MRPS21: variants seen among roughly 807,000 people sequenced by gnomAD.
The protein encoded by MRPS21 is mitochondrial ribosomal protein S21.
MRPS21 carries 8 observed loss-of-function variants against 9.9 expected under a neutral mutation model. The observed-to-expected ratio is 0.81, with a 90% CI of 0.47 to 1.45. The LOEUF is 1.45. MRPS21 is among the 40% of genes most tolerant of loss of function. The pLI is 0.00. For missense variants in MRPS21, 101 were observed against 118.9 expected, an observed-to-expected ratio of 0.85 and a Z score of 0.70; for synonymous variants, 40 against 40.3, an observed-to-expected ratio of 0.99 and a Z score of 0.03.
At chr1:150,294,783 C>T (rs1653851585) in intron 2 of MRPS21, among the ~76,000 whole-genome samples, 1 of 150,982 alleles carries the variant, frequency 6.6e-6, no homozygotes, top group Middle Eastern at 3.2e-3. Flanking sequence ...CCTGTAATCT[C>T]AGCTACTCGA....
At chr1:150,296,930 C>A (rs1553856651) in intron 2 of MRPS21, among the ~76,000 whole-genome samples, 1 of 151,960 alleles carries the variant, frequency 6.6e-6, no homozygotes, top group Non-Finnish European at 1.5e-5. Flanking sequence ...GGAAAGGGAA[C>A]CTAGTTCTTA....
In MRPS21 at chr1:150,308,044, A is replaced by G. The variant is rs1553858803; in HGVS notation, c.84-4A>G. The G allele has an allele frequency of 1.3e-6, 2 of 1,574,478 alleles. No individual in the cohort carries two copies. The highest frequency in any genetic ancestry group is 3.4e-5 in the Admixed American group (2 of 58,914). On this transcript the variant is annotated splice_polypyrimidine_tract_variant and splice_region_variant and intron_variant, in intron 2 of 2. Transcript: ENST00000614145. ...GTCTAACCTCATTGCTTGCCTTTATACAGAATCCTCACTATGGATGGGCTC... is the reference window on the plus strand; with the variant it reads ...GTCTAACCTCATTGCTTGCCTTTATGCAGAATCCTCACTATGGATGGGCTC...
chr1:150,301,653 G>C (rs1306021473), intron 2 of MRPS21, among the ~76,000 whole-genome samples: 3 of 149,088 alleles, frequency 2.0e-5, no homozygotes, highest in Non-Finnish European at 3.0e-5. Flanking sequence ...GTCTCTCTCT[G>C]TTGCCCAGAC....
chr1:150,302,390 C>T (rs1191006615), intron 2 of MRPS21, among the ~76,000 whole-genome samples: 1 of 152,030 alleles, frequency 6.6e-6, no homozygotes, highest in Admixed American at 6.6e-5. Context: ...GATTGGCTGG[C>T]CCCCAAGCAA....
chr1:150,307,205 G>A (rs942176766), intron 2 of MRPS21, among the ~76,000 whole-genome samples: 5 of 151,630 alleles, frequency 3.3e-5, no homozygotes, highest in Non-Finnish European at 5.9e-5. Context: ...CCGCCATCAT[G>A]CCCAGCTAAT....
intron 2 of MRPS21, among the ~76,000 whole-genome samples, chr1:150,300,643 T>C (rs1553857497): frequency 2.0e-5 from 3 of 152,216 alleles, no homozygotes; most frequent in East Asian, 3.8e-4. Flanking sequence ...TCGTATTCGT[T>C]GCCATTGCAT....
At chr1:150,303,216 G>C (rs587702593) in intron 2 of MRPS21, among the ~76,000 whole-genome samples, 1 of 152,114 alleles carries the variant, frequency 6.6e-6, no homozygotes, top group African/African-American at 2.4e-5. Flanking sequence ...GTCTTCCTAG[G>C]TCATATTTAC....
intron 2 of MRPS21, among the ~76,000 whole-genome samples, chr1:150,300,508 G>T (rs1168770191): frequency 6.6e-6 from 1 of 152,050 alleles, no homozygotes; most frequent in African/African-American, 2.4e-5. Context: ...TTTAATGTTT[G>T]TCAAACTTTT....
intron 2 of MRPS21, among the ~76,000 whole-genome samples, chr1:150,301,915 A>G (rs1388811007): frequency 2.0e-5 from 3 of 152,142 alleles, no homozygotes; most frequent in Admixed American, 6.6e-5. Context: ...ATAATTTTCT[A>G]GGTAAGGACT....
intron 2 of MRPS21, among the ~76,000 whole-genome samples, chr1:150,300,294 G>T (rs755261501): frequency 5.3e-5 from 8 of 151,750 alleles, no homozygotes; most frequent in Non-Finnish European, 1.2e-4. Flanking sequence ...AGTGAGCCGA[G>T]ATCGCGCCAC....
chr1:150,295,605 G>A (rs1483931137), intron 2 of MRPS21, among the ~76,000 whole-genome samples: 1 of 152,110 alleles, frequency 6.6e-6, no homozygotes, highest in Admixed American at 6.6e-5. Flanking sequence ...TAAAGGAAAA[G>A]GTGAATTCAG....
intron 2 of MRPS21, 45 bp from the exon 3 acceptor site, chr1:150,308,003 A>G: frequency 1.4e-6 from 2 of 1,468,234 alleles, no homozygotes; most frequent in Non-Finnish European, 1.8e-6. Context: ...GGAAAAGAAT[A>G]ATGATGATCC....
At chr1:150,301,057 C>G (rs1654099686) in intron 2 of MRPS21, among the ~76,000 whole-genome samples, 1 of 151,904 alleles carries the variant, frequency 6.6e-6, no homozygotes, top group African/African-American at 2.4e-5. Context: ...AAAAATTGGC[C>G]GGGCGCGGTG....
intron 2 of MRPS21, among the ~76,000 whole-genome samples, chr1:150,300,528 TGTC>T (rs1194202809): frequency 6.6e-6 from 1 of 152,212 alleles, no homozygotes; most frequent in Non-Finnish European, 1.5e-5. Flanking sequence ...TTTACTGAAG[TGTC>T]GTTAACAGCA....
At chr1:150,295,442 C>T (rs1572142181) in intron 2 of MRPS21, among the ~76,000 whole-genome samples, 1 of 152,210 alleles carries the variant, frequency 6.6e-6, no homozygotes, top group South Asian at 2.1e-4. Context: ...CGCCATGTTG[C>T]CCAAGCGTAA....
chr1:150,296,393 C>T (rs1231965948), intron 2 of MRPS21, among the ~76,000 whole-genome samples: 4 of 152,150 alleles, frequency 2.6e-5, no homozygotes, highest in South Asian at 2.1e-4. Flanking sequence ...GAGAAACAAA[C>T]GCTTGTTGAG....
intron 2 of MRPS21, among the ~76,000 whole-genome samples, chr1:150,303,063 A>G (rs1248969937): frequency 6.6e-6 from 1 of 152,130 alleles, no homozygotes; most frequent in African/African-American, 2.4e-5. Flanking sequence ...CAGTACAGGC[A>G]TTTCCTTGGT....
chr1:150,303,880 T>C (rs1553858021), intron 2 of MRPS21: 1 of 456,022 alleles, frequency 2.2e-6, no homozygotes. Flanking sequence ...AGAGGACTCA[T>C]TTTTGGCATA....
At chr1:150,302,934 G>C (rs1038947213) in intron 2 of MRPS21, among the ~76,000 whole-genome samples, 15 of 152,186 alleles carry the variant, frequency 9.9e-5, no homozygotes, top group African/African-American at 3.6e-4. Flanking sequence ...TGTTTTGGAA[G>C]TAAGTAGTAC....
Sources: allele counts gnomAD v4.1 joint callset (sites outside exome capture counted in the v4.1 genomes callset), GRCh38; gene constraint gnomAD v4.1.1; transcripts MANE v1.5; gene names NCBI Gene and HGNC (gene_info 2026-07-23, HGNC 2026-07-21).